The following CPNE4 variants were observed in gnomAD, a reference collection of about 807,000 sequenced individuals.
The protein encoded by CPNE4 is copine 4, also known as copine-4.
A neutral mutation model predicts 67.9 loss-of-function variants in CPNE4; 25 were observed. The observed-to-expected ratio is 0.37, with a 90% CI of 0.27 to 0.51. CPNE4 has a LOEUF of 0.51. Ranked by LOEUF, CPNE4 falls within the 20% of genes least tolerant of loss-of-function variation. The probability of loss-of-function intolerance (pLI) is 0.93; values close to 1 mark genes in which losing one functional copy is unlikely to be tolerated. For missense variants in CPNE4, 464 were observed against 690.8 expected (o/e 0.67, Z 3.68); for synonymous variants, 242 against 244.9 (o/e 0.99, Z 0.11).
chr3:131,629,280 C>T (rs1016718044), intron 7 of CPNE4, among the ~76,000 whole-genome samples: 8 of 152,098 alleles, frequency 5.3e-5, no homozygotes, highest in African/African-American at 1.2e-4. Context: ...TGGGAGGGGA[C>T]GCAGCCAAAC....
At chr3:131,745,263 C>T (rs1396101990) in intron 2 of CPNE4, among the ~76,000 whole-genome samples, 1 of 152,028 alleles carries the variant, frequency 6.6e-6, no homozygotes, top group African/African-American at 2.4e-5. Flanking sequence ...GTCTTTTGCA[C>T]ATTGGATTGC....
intron 6 of CPNE4, among the ~76,000 whole-genome samples, chr3:131,685,180 G>GTCA (rs34812991): frequency 0.31 from 46,253 of 151,226 alleles, 7,216 homozygotes; most frequent in Middle Eastern, 0.35. Flanking sequence ...TAAAATGGGG[G>GTCA]TCATCATCAT....
At chr3:131,860,336 A>G (rs1036359014) in intron 2 of CPNE4, among the ~76,000 whole-genome samples, 7 of 152,226 alleles carry the variant, frequency 4.6e-5, no homozygotes, top group African/African-American at 1.7e-4. Context: ...CTGATTATGT[A>G]GAACCCAAGC....
chr3:131,863,513 A>T (rs1252009460), intron 2 of CPNE4, among the ~76,000 whole-genome samples: 2 of 152,214 alleles, frequency 1.3e-5, no homozygotes, highest in East Asian at 1.9e-4. Context: ...TCTTCTTTTG[A>T]GAAGTGTCTG....
intron 1 of CPNE4, among the ~76,000 whole-genome samples, chr3:132,006,196 A>G (rs1448537392): frequency 6.6e-6 from 1 of 152,126 alleles, no homozygotes; most frequent in African/African-American, 2.4e-5. Context: ...CTGACTGTCA[A>G]AATATATGAT....
chr3:131,568,305 T>C (rs535588299), intron 10 of CPNE4, among the ~76,000 whole-genome samples: 2 of 152,106 alleles, frequency 1.3e-5, no homozygotes, highest in Admixed American at 1.3e-4. Flanking sequence ...TCTGTGCTCT[T>C]TAAAGTTAGC....
intron 7 of CPNE4, among the ~76,000 whole-genome samples, chr3:131,588,657 G>T (rs1938336290): frequency 6.6e-6 from 1 of 152,088 alleles, no homozygotes; most frequent in Non-Finnish European, 1.5e-5. Flanking sequence ...ATGAAACATT[G>T]TTTCCCCCTA....
intron 1 of CPNE4, among the ~76,000 whole-genome samples, chr3:132,003,063 A>G (rs1419781074): frequency 6.6e-5 from 10 of 152,154 alleles, no homozygotes; most frequent in African/African-American, 2.2e-4. Context: ...GGTACAAGAA[A>G]AACAGAGTTA....
intron 1 of CPNE4, among the ~76,000 whole-genome samples, chr3:132,022,140 T>G (rs576132289): frequency 1.1e-4 from 16 of 152,322 alleles, no homozygotes; most frequent in Admixed American, 9.8e-4. Context: ...CATGGACATG[T>G]AGGATCAGAA....
At chr3:131,738,845 T>C (rs527305992) in intron 2 of CPNE4, among the ~76,000 whole-genome samples, 36 of 118,584 alleles carry the variant, frequency 3.0e-4, no homozygotes, top group African/African-American at 9.2e-4. Context: ...ATCATGTCTT[T>C]TTCTTTTTCT....
intron 1 of CPNE4, among the ~76,000 whole-genome samples, chr3:131,921,782 G>T (rs1043770811): frequency 6.6e-6 from 1 of 152,098 alleles, no homozygotes; most frequent in Non-Finnish European, 1.5e-5. Flanking sequence ...AGAGAGTTCT[G>T]CAAGTAGATA....
chr3:131,987,676 G>C (rs1383147948), intron 1 of CPNE4, among the ~76,000 whole-genome samples: 1 of 151,986 alleles, frequency 6.6e-6, no homozygotes, highest in African/African-American at 2.4e-5. Flanking sequence ...TAAATACCAG[G>C]CACCATGCCC....
At position 131,922,796 on chromosome 3, in the gene CPNE4, A is replaced by G. The variant is rs183727782; in HGVS notation, c.-1-17352T>C. ...TAGAGGAGAGAATAGACATAAAAGA[A>G]GCAAGCATAATAACAAATATAGTGT... On this transcript the variant is annotated intron_variant, in intron 1 of 15. Coordinates refer to ENST00000429747, the MANE Select transcript of CPNE4 (RefSeq NM_130808.3). Among the ~76,000 whole-genome samples the G allele has an allele frequency of 1.3e-3, 204 of 152,306 alleles. 2 individuals carry two copies. Among genetic ancestry groups the G allele is most frequent in the African/African-American group, 4.9e-3 (202 of 41,562 alleles).
At chr3:131,792,636 C>CGTGTGTATATATGTATATATACACACGT (rs143676739) in intron 2 of CPNE4, among the ~76,000 whole-genome samples, 3 of 66,962 alleles carry the variant, frequency 4.5e-5, no homozygotes, top group South Asian at 4.7e-4. Context: ...TATATACACA[C>CGTGTGTATATATGTATATATACACACGT]GTGTATATAT....
At chr3:131,982,956 A>G (rs888270650) in intron 1 of CPNE4, among the ~76,000 whole-genome samples, 2 of 152,088 alleles carry the variant, frequency 1.3e-5, no homozygotes, top group Non-Finnish European at 2.9e-5. Flanking sequence ...TGAGCAAACA[A>G]AATCTTTAAA....
intron 3 of CPNE4, among the ~76,000 whole-genome samples, chr3:131,705,319 C>A (rs2081391806): frequency 6.6e-6 from 1 of 152,164 alleles, no homozygotes; most frequent in Non-Finnish European, 1.5e-5. Context: ...ACCCCAGACC[C>A]ACTGAATCCA....
chr3:131,792,648 T>TATATATACACACGTGTATATATGC (rs2083770668), intron 2 of CPNE4, among the ~76,000 whole-genome samples: 1 of 37,790 alleles, frequency 2.6e-5, no homozygotes, highest in African/African-American at 7.1e-5. Context: ...TGTATATATG[T>TATATATACACACGTGTATATATGC]ATATATACAC....
At chr3:132,015,989 T>G (rs933043931) in intron 1 of CPNE4, among the ~76,000 whole-genome samples, 5 of 152,224 alleles carry the variant, frequency 3.3e-5, no homozygotes, top group African/African-American at 1.2e-4. Context: ...TAACCATACA[T>G]TTGCTATGAA....
intron 7 of CPNE4, among the ~76,000 whole-genome samples, chr3:131,649,849 T>C (rs569145931): frequency 2.9e-4 from 44 of 152,346 alleles, no homozygotes; most frequent in East Asian, 7.7e-4. Flanking sequence ...CCATTTGTTA[T>C]CTCACACTTT....
Sources: gnomAD v4.1 joint callset for allele counts (sites outside exome capture counted in the v4.1 genomes callset) on GRCh38, gnomAD v4.1.1 for gene constraint, MANE v1.5 for transcripts, NCBI Gene and HGNC (gene_info 2026-07-23, HGNC 2026-07-21) for gene names.